The following SLC9C2 variants were observed in gnomAD, a reference collection of about 807,000 sequenced individuals.
SLC9C2 encodes the protein sodium/hydrogen exchanger 11.
Under a neutral mutation model 140.2 loss-of-function variants are expected in SLC9C2, and 75 were observed. The observed-to-expected ratio is 0.53, with a 90% CI of 0.44 to 0.65. The LOEUF is 0.65. Among genes scored for constraint, SLC9C2 ranks in the 30% least tolerant of loss-of-function variants. SLC9C2 has a pLI of 0.00. For synonymous variants in SLC9C2, 375 were observed against 420.9 expected (o/e 0.89, Z 1.34); for missense variants, 1,074 against 1,331.8 (o/e 0.81, Z 3.01).
intron 22 of SLC9C2, among the ~76,000 whole-genome samples, chr1:173,518,293 GA>G (rs1322621548): frequency 2.0e-5 from 3 of 150,802 alleles, no homozygotes; most frequent in Non-Finnish European, 4.4e-5. Context: ...ACCAAAACTG[GA>G]AATTATAGTA....
In SLC9C2 at chr1:173,506,872, G is replaced by A. The variant is rs752197229; in HGVS notation, c.3209C>T (p.Pro1070Leu). 2 of 1,612,956 alleles carry A rather than the reference G, an allele frequency of 1.2e-6. No homozygotes were observed. Among genetic ancestry groups the A allele is most frequent in the Non-Finnish European group, 1.7e-6 (2 of 1,179,540 alleles). The change falls in exon 25 of 28, where the codon CCT becomes CTT. Residue 1070 changes from proline to leucine, a missense_variant. By Grantham distance (98) the Pro-to-Leu change is moderately conservative. Transcript: ENST00000367714. Reference protein sequence around the residue: ...EEPYFAPCIIPTTCEQVQGTS... With the variant: ...EEPYFAPCIILTTCEQVQGTS... ...ATTTCTTACCTGCTCACAGGTTGTA[G>A]GTATAATGCAAGGTGCAAAATATGG...
At chr1:173,595,153 C>G (rs555306263) in intron 4 of SLC9C2, among the ~76,000 whole-genome samples, 3 of 152,294 alleles carry the variant, frequency 2.0e-5, no homozygotes, top group South Asian at 2.1e-4. Context: ...GCTGAGATTA[C>G]AGGCATGAGC....
intron 20 of SLC9C2, among the ~76,000 whole-genome samples, chr1:173,524,385 A>G (rs1661049212): frequency 6.6e-6 from 1 of 152,208 alleles, no homozygotes; most frequent in Non-Finnish European, 1.5e-5. Context: ...GGGAAAGCCA[A>G]AGGAAGATGC....
intron 1 of SLC9C2, among the ~76,000 whole-genome samples, chr1:173,602,524 G>T (rs1017667232): frequency 6.6e-6 from 1 of 152,146 alleles, no homozygotes; most frequent in Non-Finnish European, 1.5e-5. Flanking sequence ...CCCTTCCTCA[G>T]AGCAATGAAG....
intron 9 of SLC9C2, among the ~76,000 whole-genome samples, chr1:173,561,224 C>T (rs1237683494): frequency 6.6e-6 from 1 of 152,150 alleles, no homozygotes; most frequent in African/African-American, 2.4e-5. Context: ...TTTTATGCAT[C>T]TCTGTGAACC....
rs138585951 is a variant in SLC9C2 at position 173,581,872 on chromosome 1, T to C, written c.777A>G (p.Ser259=). Reference sequence around the variant, plus strand: ...CAATATAGAAAGTCATGTACACCATTGAAAAGCAGAGAATGATATTAGTCA... The same window carrying C: ...CAATATAGAAAGTCATGTACACCATCGAAAAGCAGAGAATGATATTAGTCA... ...NMLTNIILCF[S]MVYMTFYIVE... Residue 259 remains serine, a synonymous_variant, in exon 7 of 28, where the codon TCA becomes TCG. Transcript: ENST00000367714. 2 of 1,591,556 alleles carry C rather than the reference T, an allele frequency of 1.3e-6. No individual in the cohort carries two copies. Among genetic ancestry groups the C allele is most frequent in the Non-Finnish European group, 8.6e-7 (1 of 1,166,404 alleles).
chr1:173,540,485 T>C (rs935886086), intron 13 of SLC9C2, among the ~76,000 whole-genome samples: 16 of 152,214 alleles, frequency 1.1e-4, no homozygotes, highest in African/African-American at 3.6e-4. Context: ...GCTTTGGAAC[T>C]GGGTGGTGGG....
Position 173,544,616 on chromosome 1 carries a change from A to C in SLC9C2, c.1557+3073T>G, listed in dbSNP as rs549164878. On this transcript the variant is annotated intron_variant, in intron 13 of 27. Transcript: ENST00000367714. ...AGACTTGGAACCAACCCATATGTCC[A>C]TCAATGATAGACTGGATTAAGAAAA... Among the ~76,000 whole-genome samples, 13 of 152,372 alleles carry C rather than the reference A, an allele frequency of 8.5e-5. No individual in the cohort carries two copies. The South Asian group carries it at 2.7e-3, about 32-fold the overall frequency.
At position 173,546,803 on chromosome 1, in the gene SLC9C2, T is replaced by C. The variant is rs537363262; in HGVS notation, c.1557+886A>G. Among the ~76,000 whole-genome samples the C allele has an allele frequency of 3.9e-5, 6 of 152,280 alleles. 1 individual carries two copies. In the South Asian group the frequency reaches 1.2e-3, roughly 32 times the overall value. ...ATCTTACCACTGAGTCGACATTTGA[T>C]GTTATTAAGGAATTATTGTTCACTT... is the stretch of plus-strand genomic sequence containing the variant. On this transcript the variant is annotated intron_variant, in intron 13 of 27. Coordinates refer to ENST00000367714, the MANE Select transcript of SLC9C2 (RefSeq NM_178527.4).
intron 12 of SLC9C2, 60 bp downstream of exon 12, chr1:173,548,329 G>A (rs147799683): frequency 1.3e-6 from 2 of 1,508,494 alleles, no homozygotes; most frequent in East Asian, 2.3e-5. Flanking sequence ...ATAGGCTAAA[G>A]CAAGTGAGGC....
intron 7 of SLC9C2, among the ~76,000 whole-genome samples, chr1:173,580,995 G>A (rs921378121): frequency 1.3e-5 from 2 of 152,132 alleles, no homozygotes; most frequent in Non-Finnish European, 2.9e-5. Flanking sequence ...GAAAAATGAA[G>A]AAATTTGAAG....
At chr1:173,548,657 C>A (rs1571532427) in intron 11 of SLC9C2, 105 bp from the exon 12 acceptor site, 3 of 1,249,682 alleles carry the variant, frequency 2.4e-6, no homozygotes, top group Non-Finnish European at 3.4e-6. Context: ...AGATCACCTG[C>A]AAACCAGAGT....
intron 3 of SLC9C2, among the ~76,000 whole-genome samples, chr1:173,598,421 T>G (rs531211543): frequency 6.6e-6 from 1 of 152,352 alleles, no homozygotes; most frequent in African/African-American, 2.4e-5. Flanking sequence ...GAAAGAATCT[T>G]AAACAGGTAC....
intron 23 of SLC9C2, among the ~76,000 whole-genome samples, chr1:173,516,135 C>T (rs894353951): frequency 1.3e-5 from 2 of 152,146 alleles, no homozygotes; most frequent in African/African-American, 4.8e-5. Context: ...AGGGTATCAC[C>T]CAGTTGGGTG....
intron 11 of SLC9C2, among the ~76,000 whole-genome samples, chr1:173,550,316 A>G: frequency 6.6e-6 from 1 of 152,128 alleles, no homozygotes; most frequent in East Asian, 1.9e-4. Context: ...AGGCAGGAGT[A>G]TCACTTGAGT....
At chr1:173,521,528 A>G (rs994214195) in intron 21 of SLC9C2, 129 bp from the exon 22 acceptor site, 48 of 263,482 alleles carry the variant, frequency 1.8e-4, no homozygotes, top group African/African-American at 1.1e-3. Context: ...GTGTGTGTAT[A>G]TATATATATG....
In SLC9C2 at chr1:173,507,061, T is replaced by C. The variant is rs768620614; in HGVS notation, c.3040-20A>G. 14 of 1,525,676 alleles carry C rather than the reference T, an allele frequency of 9.2e-6. No homozygotes were observed. In the African/African-American group the frequency reaches 1.8e-4, roughly 20 times the overall value. 94.5% of individuals were successfully genotyped at this position (1,525,676 alleles called of 1,614,324 possible). The stretch of plus-strand genomic sequence containing the variant: ...TAAGTCCTATAATAAAATTGCATTT[T>C]AGAAAATAAGTCATACAAACTGACA... On this transcript the variant is annotated intron_variant, in intron 24 of 27. Transcript: ENST00000367714.
At chr1:173,583,125 C>T (rs377125628) in intron 6 of SLC9C2, among the ~76,000 whole-genome samples, 1 of 152,172 alleles carries the variant, frequency 6.6e-6, no homozygotes, top group Non-Finnish European at 1.5e-5. Context: ...ATTCTCAAAA[C>T]CTTGGATATA....
intron 23 of SLC9C2, among the ~76,000 whole-genome samples, chr1:173,511,246 G>A (rs914446769): frequency 6.6e-6 from 1 of 151,750 alleles, no homozygotes; most frequent in African/African-American, 2.4e-5. Flanking sequence ...TGGCCAGGAT[G>A]GTCTTAATCT....
Sources: gnomAD v4.1 joint callset for allele counts (sites outside exome capture counted in the v4.1 genomes callset) on GRCh38, gnomAD v4.1.1 for gene constraint, MANE v1.5 for transcripts, NCBI Gene and HGNC (gene_info 2026-07-23, HGNC 2026-07-21) for gene names.